Variants in EPHA6 observed in about 807,000 individuals in gnomAD.
The protein encoded by EPHA6 is ephrin type-A receptor 6.
In EPHA6, 50 loss-of-function variants were observed where a neutral mutation model predicts 112.0. That is an observed-to-expected ratio of 0.45 (90% CI 0.36 to 0.56). The LOEUF (loss-of-function observed/expected upper bound fraction) is 0.56. EPHA6 is among the 20% of genes least tolerant of loss of function. The pLI is 0.00. For missense variants in EPHA6, 1,280 were observed against 1,417.4 expected (o/e 0.90, Z 1.56); for synonymous variants, 529 against 490.7 (o/e 1.08, Z -1.03).
rs774333073 is a variant in EPHA6 at position 97,056,402 on chromosome 3, A to C, written c.1114+68409A>C. On this transcript the variant is annotated intron_variant, in intron 3 of 17. Transcript: ENST00000389672. Reference sequence around the variant, plus strand: ...CTTCTCCTATCTAAACATTTTCACAAATCTGTTCTTTTATCAGCATCCCAT... The same window carrying C: ...CTTCTCCTATCTAAACATTTTCACACATCTGTTCTTTTATCAGCATCCCAT... 3.9e-5 allele frequency among the ~76,000 whole-genome samples: 6 copies of C among 152,280 alleles called. 1 individual carries two copies. The highest frequency in any genetic ancestry group is 1.3e-4 in the Admixed American group (2 of 15,286).
intron 3 of EPHA6, among the ~76,000 whole-genome samples, chr3:97,213,997 CTGTGTGTGTGTG>C (rs10557927): frequency 3.9e-5 from 5 of 128,862 alleles, no homozygotes; most frequent in African/African-American, 9.6e-5. Context: ...CTCATGTGTT[CTGTGTGTGTGTG>C]TGTGTGTGTG....
chr3:97,521,622 C>T (rs866652683), intron 10 of EPHA6, among the ~76,000 whole-genome samples: 18 of 152,238 alleles, frequency 1.2e-4, no homozygotes, highest in African/African-American at 4.1e-4. Flanking sequence ...TCAATTACCT[C>T]CCACTGGGTC....
At chr3:97,537,666 C>A (rs1307430433) in intron 11 of EPHA6, among the ~76,000 whole-genome samples, 1 of 152,164 alleles carries the variant, frequency 6.6e-6, no homozygotes, top group Non-Finnish European at 1.5e-5. Flanking sequence ...GCAACCTCCA[C>A]CTCCCAGGTT....
chr3:97,047,821 G>A (rs941171211), intron 3 of EPHA6, among the ~76,000 whole-genome samples: 1 of 152,070 alleles, frequency 6.6e-6, no homozygotes, highest in Non-Finnish European at 1.5e-5. Flanking sequence ...CAAGACATGG[G>A]TTATTTTCCT....
At chr3:97,107,332 G>T (rs113683426) in intron 3 of EPHA6, among the ~76,000 whole-genome samples, 2,063 of 152,012 alleles carry the variant, frequency 0.014, 33 homozygotes, top group African/African-American at 0.046. Context: ...TATACCTGGG[G>T]TCCCTGCTTT....
chr3:97,258,011 A>G (rs1437733333), intron 5 of EPHA6, among the ~76,000 whole-genome samples: 1 of 151,998 alleles, frequency 6.6e-6, no homozygotes, highest in Non-Finnish European at 1.5e-5. Flanking sequence ...TTATTTCTGT[A>G]AAATTATTTG....
chr3:97,395,276 GA>G (rs1247700659), intron 5 of EPHA6, among the ~76,000 whole-genome samples: 1 of 151,372 alleles, frequency 6.6e-6, no homozygotes, highest in African/African-American at 2.4e-5. Context: ...CTGATTACAA[GA>G]AAAAAACATA....
Position 97,481,533 on chromosome 3 carries a change from G to C in EPHA6, c.2074+2169G>C, listed in dbSNP as rs555384961. 999 of 846,934 alleles carry C rather than the reference G, an allele frequency of 1.2e-3. 5 individuals are homozygous for C. The highest frequency in any genetic ancestry group is 8.1e-3 in the African/African-American group (480 of 59,410). The allele number at this position is 846,934 out of a possible 1,614,324, so 52.5% of individuals were successfully genotyped here. On this transcript the variant is annotated intron_variant, in intron 9 of 17. Transcript: ENST00000389672. ...CCGGCGCGGGGCTAAGTGCAGGCCC[G>C]GGGGTCCCTAGAGCCGCCGGGGCGC...
At position 97,750,020 on chromosome 3, in the gene EPHA6, T is replaced by C. The variant is rs1257083359; in HGVS notation, c.*1319T>C. Among the ~76,000 whole-genome samples the C allele has an allele frequency of 2.0e-5, 3 of 152,174 alleles. No homozygotes were observed. Among genetic ancestry groups the C allele is most frequent in the African/African-American group, 4.8e-5 (2 of 41,442 alleles). On this transcript the variant is annotated 3_prime_UTR_variant, in exon 18 of 18. Transcript: ENST00000389672. The stretch of plus-strand genomic sequence containing the variant: ...GAGGCTTAAAAAACAAAGGTAAATA[T>C]ATATTTTAAGTGATTTAAGCTGAGT...
intron 2 of EPHA6, among the ~76,000 whole-genome samples, chr3:96,902,404 A>G (rs1490174801): frequency 6.6e-6 from 1 of 152,136 alleles, no homozygotes; most frequent in South Asian, 2.1e-4. Context: ...GGAAACTACT[A>G]TTACCTCTTT....
intron 5 of EPHA6, among the ~76,000 whole-genome samples, chr3:97,373,437 G>A (rs376603221): frequency 1.3e-5 from 2 of 152,100 alleles, no homozygotes; most frequent in African/African-American, 4.8e-5. Context: ...GGTTGAAAAT[G>A]TCTAAGTTTC....
At chr3:97,737,300 T>C (rs906188200) in intron 16 of EPHA6, among the ~76,000 whole-genome samples, 1 of 152,056 alleles carries the variant, frequency 6.6e-6, no homozygotes, top group Non-Finnish European at 1.5e-5. Flanking sequence ...TGATTTACAC[T>C]GTGAGTGCAA....
intron 4 of EPHA6, among the ~76,000 whole-genome samples, chr3:97,234,694 C>A (rs2078630988): frequency 1.3e-5 from 2 of 152,196 alleles, no homozygotes; most frequent in South Asian, 4.1e-4. Context: ...GATTCTTCTT[C>A]TTTTGCTCAC....
At chr3:96,994,533 C>T (rs1244333471) in intron 3 of EPHA6, among the ~76,000 whole-genome samples, 1 of 151,704 alleles carries the variant, frequency 6.6e-6, no homozygotes, top group African/African-American at 2.4e-5. Context: ...AAATTGAATG[C>T]AATTTTTGTT....
chr3:97,240,344 G>T (rs1411090080), intron 4 of EPHA6, among the ~76,000 whole-genome samples: 3 of 151,658 alleles, frequency 2.0e-5, no homozygotes, highest in Non-Finnish European at 4.4e-5. Flanking sequence ...GAATAAATTT[G>T]TTTTCTGTTA....
chr3:97,117,376 G>A (rs929112011), intron 3 of EPHA6, among the ~76,000 whole-genome samples: 1 of 151,550 alleles, frequency 6.6e-6, no homozygotes, highest in African/African-American at 2.4e-5. Flanking sequence ...TGTTTTTGAG[G>A]TCTTAGCTAT....
At chr3:97,440,883 A>C (rs1487324379) in intron 6 of EPHA6, among the ~76,000 whole-genome samples, 1 of 151,800 alleles carries the variant, frequency 6.6e-6, no homozygotes, top group Non-Finnish European at 1.5e-5. Flanking sequence ...TTAATAAGAC[A>C]AGACTAGATG....
chr3:96,885,192 G>A (rs1309594521), intron 2 of EPHA6, among the ~76,000 whole-genome samples: 2 of 151,994 alleles, frequency 1.3e-5, no homozygotes, highest in Admixed American at 1.3e-4. Flanking sequence ...TTTTGTTTTT[G>A]GTTATGTCCT....
chr3:97,015,375 G>A (rs1320811235), intron 3 of EPHA6, among the ~76,000 whole-genome samples: 1 of 152,140 alleles, frequency 6.6e-6, no homozygotes, highest in Non-Finnish European at 1.5e-5. Flanking sequence ...AAACATAGGT[G>A]TGTGTTTTCT....
Sources: gnomAD v4.1 joint callset for allele counts (sites outside exome capture counted in the v4.1 genomes callset) on GRCh38, gnomAD v4.1.1 for gene constraint, MANE v1.5 for transcripts, NCBI Gene and HGNC (gene_info 2026-07-23, HGNC 2026-07-21) for gene names.